The following JAK2 variants were observed in gnomAD, a reference collection of about 807,000 sequenced individuals.
JAK2 encodes tyrosine-protein kinase JAK2.
Under a neutral mutation model 139.3 loss-of-function variants are expected in JAK2, and 86 were observed. The ratio of observed to expected loss-of-function variants is 0.62; its 90% CI spans 0.52 to 0.74. JAK2 has a LOEUF of 0.74. Ranked by LOEUF, JAK2 falls within the 30% of genes least tolerant of loss-of-function variation. JAK2 has a pLI of 0.00. For synonymous variants in JAK2, 490 were observed against 437.7 expected (o/e 1.12, Z -1.49); for missense variants, 1,421 against 1,360.3 (o/e 1.04, Z -0.70).
chr9:4,989,293 C>CT (rs377061533), intron 2 of JAK2, among the ~76,000 whole-genome samples: 6 of 152,170 alleles, frequency 3.9e-5, no homozygotes, highest in Admixed American at 2.0e-4. Context: ...CTCCATCCCT[C>CT]TTTTTTTTCC....
rs552967791 is a variant in JAK2 at position 5,044,879 on chromosome 9, T to A, written c.468+359T>A. Among the ~76,000 whole-genome samples the A allele has an allele frequency of 2.6e-4, 40 of 152,278 alleles. 1 individual carries two copies. The highest frequency in any genetic ancestry group is 8.9e-4 in the African/African-American group (37 of 41,564). Reference sequence around the variant, plus strand: ...CATTTCTTTATGGTTTTTAAAAAAATTTTTGGACAATTTCAGGCTTACACA... The same window carrying A: ...CATTTCTTTATGGTTTTTAAAAAAAATTTTGGACAATTTCAGGCTTACACA... On this transcript the variant is annotated intron_variant, in intron 5 of 24. Transcript: ENST00000381652.
At chr9:4,999,527 A>G (rs1820804704) in intron 2 of JAK2, among the ~76,000 whole-genome samples, 1 of 152,212 alleles carries the variant, frequency 6.6e-6, no homozygotes, top group Non-Finnish European at 1.5e-5. Context: ...GAAGGACAGA[A>G]CTAATAGGAT....
At chr9:5,043,818 CATT>C (rs758243355) in intron 4 of JAK2, among the ~76,000 whole-genome samples, 2 of 152,138 alleles carry the variant, frequency 1.3e-5, no homozygotes, top group East Asian at 1.9e-4. Flanking sequence ...ACCTTGAAAA[CATT>C]ATGCTGAGTG....
At chr9:5,102,714 C>G (rs1821608064) in intron 22 of JAK2, among the ~76,000 whole-genome samples, 1 of 152,168 alleles carries the variant, frequency 6.6e-6, no homozygotes, top group Admixed American at 6.5e-5. Flanking sequence ...ACTCTACAAG[C>G]CAGAAGAGAG....
chr9:5,107,100 C>G (rs1301832222), intron 22 of JAK2, among the ~76,000 whole-genome samples: 1 of 152,128 alleles, frequency 6.6e-6, no homozygotes, highest in African/African-American at 2.4e-5. Flanking sequence ...GATGTTGACA[C>G]TTTGTAGATG....
chr9:5,125,406 G>T (rs1438067799), intron 23 of JAK2, among the ~76,000 whole-genome samples: 1 of 151,220 alleles, frequency 6.6e-6, no homozygotes, highest in Admixed American at 6.6e-5. Context: ...TCCATCATAA[G>T]GCTATATATG....
At chr9:4,986,863 A>G (rs556596369) in intron 2 of JAK2, among the ~76,000 whole-genome samples, 2 of 152,306 alleles carry the variant, frequency 1.3e-5, no homozygotes, top group African/African-American at 4.8e-5. Flanking sequence ...TTAAGTACCT[A>G]TGCGGGGAAT....
chr9:5,126,222 C>G, intron 23 of JAK2, 111 bp from the exon 24 acceptor site: 1 of 655,328 alleles, frequency 1.5e-6, no homozygotes. Flanking sequence ...GGTTTGAAAA[C>G]ATACAAAAGC....
At chr9:5,093,511 G>A (rs1176985348) in intron 22 of JAK2, among the ~76,000 whole-genome samples, 1 of 152,138 alleles carries the variant, frequency 6.6e-6, no homozygotes, top group East Asian at 1.9e-4. Context: ...GAGCTTATAA[G>A]CAAATAAGAT....
intron 4 of JAK2, among the ~76,000 whole-genome samples, chr9:5,036,109 C>A (rs575234969): frequency 3.3e-5 from 5 of 152,186 alleles, no homozygotes; most frequent in Non-Finnish European, 7.3e-5. Flanking sequence ...AGAGCCAAAT[C>A]ATGAGTGAAC....
intron 19 of JAK2, 76 bp downstream of exon 19, chr9:5,081,937 A>G: frequency 2.5e-6 from 3 of 1,200,878 alleles, no homozygotes; most frequent in Non-Finnish European, 3.6e-6. Flanking sequence ...TCTAAAGTTC[A>G]CTTTCTACAA....
At chr9:5,104,736 A>T (rs1050415803) in intron 22 of JAK2, among the ~76,000 whole-genome samples, 5 of 152,352 alleles carry the variant, frequency 3.3e-5, no homozygotes, top group African/African-American at 1.2e-4. Flanking sequence ...CATCCCTAGG[A>T]TGCAAGGCTG....
At chr9:5,037,430 C>G (rs188916201) in intron 4 of JAK2, among the ~76,000 whole-genome samples, 2 of 152,300 alleles carry the variant, frequency 1.3e-5, no homozygotes, top group Admixed American at 1.3e-4. Flanking sequence ...CGGCACTATT[C>G]ACAATAACAA....
chr9:5,077,721 G>T, intron 15 of JAK2, 141 bp downstream of exon 15: 1 of 480,208 alleles, frequency 2.1e-6, no homozygotes, highest in South Asian at 6.9e-5. Flanking sequence ...GTGATAAAAA[G>T]AGATTACTTT....
chr9:5,073,324 A>G (rs975602379), intron 13 of JAK2, among the ~76,000 whole-genome samples: 6 of 152,192 alleles, frequency 3.9e-5, no homozygotes, highest in African/African-American at 1.4e-4. Context: ...ATTCTTTAGC[A>G]AGTGTTATTT....
intron 22 of JAK2, chr9:5,094,693 T>A (rs1820848355): frequency 6.6e-6 from 1 of 152,188 alleles, no homozygotes; most frequent in South Asian, 2.1e-4. Flanking sequence ...TCAGAACTAG[T>A]TTCAGGCTTC....
At chr9:5,046,791 T>A (rs915361941) in intron 5 of JAK2, among the ~76,000 whole-genome samples, 1 of 128,312 alleles carries the variant, frequency 7.8e-6, no homozygotes, top group Non-Finnish European at 1.5e-5. Flanking sequence ...AATAGCCTTT[T>A]GAAAACAGGA....
At chr9:5,111,288 C>T in intron 22 of JAK2, 1 of 478,618 alleles carries the variant, frequency 2.1e-6, no homozygotes, top group Non-Finnish European at 4.0e-6. Flanking sequence ...TGGCTTCCTG[C>T]CGGGCAAGCT....
chr9:5,115,732 T>C (rs1416162690), intron 22 of JAK2, among the ~76,000 whole-genome samples: 5 of 152,146 alleles, frequency 3.3e-5, no homozygotes, highest in Non-Finnish European at 7.4e-5. Flanking sequence ...TATGCAGCCA[T>C]AAACAAGGAT....
Sources: allele counts gnomAD v4.1 joint callset (sites outside exome capture counted in the v4.1 genomes callset), GRCh38; gene constraint gnomAD v4.1.1; transcripts MANE v1.5; gene names NCBI Gene and HGNC (gene_info 2026-07-23, HGNC 2026-07-21).